The following PTPRN2 variants were observed in gnomAD, a reference collection of about 807,000 sequenced individuals.
The protein encoded by PTPRN2 is protein tyrosine phosphatase receptor type N2.
In PTPRN2, 74 loss-of-function variants were observed where a neutral mutation model predicts 118.8. The observed-to-expected ratio is 0.62, with a 90% CI of 0.52 to 0.76. PTPRN2 has a LOEUF of 0.76. PTPRN2 is among the 30% of genes least tolerant of loss of function. PTPRN2 has a pLI of 0.00. For synonymous variants in PTPRN2, 641 were observed against 608.0 expected (o/e 1.05, Z -0.80); for missense variants, 1,481 against 1,394.4 (o/e 1.06, Z -0.99).
At chr7:158,176,289 G>A (rs747443158) in intron 5 of PTPRN2, among the ~76,000 whole-genome samples, 7 of 152,210 alleles carry the variant, frequency 4.6e-5, no homozygotes, top group East Asian at 3.9e-4. Context: ...TCATCGCCAC[G>A]GGGCTCTTAT....
intron 11 of PTPRN2, among the ~76,000 whole-genome samples, chr7:157,927,604 T>C (rs12674431): frequency 0.52 from 60,333 of 116,236 alleles, 12,243 homozygotes; most frequent in Middle Eastern, 0.54. Flanking sequence ...AGAGACCTCA[T>C]GTCTGCTGGG....
At chr7:158,317,011 A>G in intron 2 of PTPRN2, 79 bp from the exon 3 acceptor site, 1 of 1,079,414 alleles carries the variant, frequency 9.3e-7, no homozygotes, top group Non-Finnish European at 1.3e-6. Flanking sequence ...ACGTCCTTGC[A>G]ATGCGTTCTG....
chr7:158,518,154 T>C (rs1412124115), intron 1 of PTPRN2, among the ~76,000 whole-genome samples: 1 of 152,190 alleles, frequency 6.6e-6, no homozygotes, highest in Non-Finnish European at 1.5e-5. Context: ...TATAAAATAG[T>C]TAGAGCCCAA....
intron 11 of PTPRN2, among the ~76,000 whole-genome samples, chr7:158,077,552 CT>C (rs1157831702): frequency 7.4e-5 from 2 of 27,052 alleles, no homozygotes; most frequent in African/African-American, 1.1e-4. Context: ...CAGGAGCCCC[CT>C]ATGAGCCACA....
At chr7:157,939,141 G>A (rs1275541806) in intron 11 of PTPRN2, among the ~76,000 whole-genome samples, 1 of 152,000 alleles carries the variant, frequency 6.6e-6, no homozygotes, top group Admixed American at 6.6e-5. Flanking sequence ...AAAGCACGCA[G>A]GTCCCCACCT....
At chr7:158,187,153 G>A (rs559202921) in intron 5 of PTPRN2, among the ~76,000 whole-genome samples, 1 of 152,244 alleles carries the variant, frequency 6.6e-6, no homozygotes, top group African/African-American at 2.4e-5. Context: ...GTTTAAACGA[G>A]GAGAAAGCTC....
intron 11 of PTPRN2, among the ~76,000 whole-genome samples, chr7:158,062,836 AC>A (rs1036029322): frequency 6.6e-6 from 1 of 152,144 alleles, no homozygotes; most frequent in African/African-American, 2.4e-5. Context: ...TCTGCAGCCC[AC>A]CATGCCTGAG....
intron 11 of PTPRN2, among the ~76,000 whole-genome samples, chr7:157,950,875 G>A (rs1190356250): frequency 6.6e-6 from 1 of 152,214 alleles, no homozygotes; most frequent in Non-Finnish European, 1.5e-5. Flanking sequence ...GTGTTGGGCA[G>A]ATGAGCTATG....
chr7:157,651,990 C>A (rs1271435572), intron 14 of PTPRN2, among the ~76,000 whole-genome samples: 5 of 152,244 alleles, frequency 3.3e-5, no homozygotes, highest in African/African-American at 1.2e-4. Flanking sequence ...CGGACTGCAC[C>A]TTCCCTGCGC....
chr7:158,430,475 CG>C (rs1563284215), intron 2 of PTPRN2, among the ~76,000 whole-genome samples: 3 of 152,246 alleles, frequency 2.0e-5, no homozygotes, highest in Non-Finnish European at 4.4e-5. Flanking sequence ...TTCCCAGAAG[CG>C]CTCTGTGGTT....
At chr7:157,567,306 C>T (rs1799537193) in intron 21 of PTPRN2, among the ~76,000 whole-genome samples, 1 of 152,158 alleles carries the variant, frequency 6.6e-6, no homozygotes, top group Admixed American at 6.5e-5. Flanking sequence ...TTTGCACATT[C>T]CCACCACTAA....
At chr7:158,537,193 C>T (rs576228771) in intron 1 of PTPRN2, among the ~76,000 whole-genome samples, 15 of 151,234 alleles carry the variant, frequency 9.9e-5, no homozygotes, top group Non-Finnish European at 2.1e-4. Flanking sequence ...GAAAAATAAA[C>T]ATCCATTGTT....
intron 11 of PTPRN2, among the ~76,000 whole-genome samples, chr7:157,983,412 C>T (rs1160767120): frequency 1.3e-5 from 2 of 152,014 alleles, no homozygotes; most frequent in African/African-American, 2.4e-5. Flanking sequence ...CCCCCCTAAA[C>T]CCCGAGTCAT....
intron 2 of PTPRN2, among the ~76,000 whole-genome samples, chr7:158,415,665 C>CACCCT (rs1814597902): frequency 6.6e-6 from 1 of 152,202 alleles, no homozygotes; most frequent in Admixed American, 6.5e-5. Context: ...CCCCCCACCC[C>CACCCT]ACCCTACAAT....
intron 22 of PTPRN2, among the ~76,000 whole-genome samples, chr7:157,541,745 G>C (rs546416653): frequency 1.3e-5 from 2 of 152,350 alleles, no homozygotes; most frequent in Non-Finnish European, 2.9e-5. Context: ...GAACAGGGCA[G>C]CCCCAAGCCA....
chr7:158,145,195 A>G (rs376788731), intron 6 of PTPRN2, among the ~76,000 whole-genome samples: 2,852 of 105,180 alleles, frequency 0.027, no homozygotes, highest in African/African-American at 0.046. Flanking sequence ...AGAATACCAC[A>G]GCTCGGCAAG....
chr7:157,540,917 G>A (rs983776739), intron 22 of PTPRN2, 132 bp from the exon 23 acceptor site: 19 of 692,960 alleles, frequency 2.7e-5, no homozygotes, highest in Non-Finnish European at 3.2e-5. Context: ...GGGCCATTTC[G>A]CAGAAAGAAA....
rs556613704 is a variant in PTPRN2, at chr7:157,755,808, A to T, written c.1789-72871T>A. ...ATGCTCACTGCCTGGAGACGGATCC[A>T]TTCTTACTCCAAACCTCAGCATCAT... On this transcript the variant is annotated intron_variant, in intron 12 of 22. Coordinates refer to ENST00000389418, the MANE Select transcript of PTPRN2 (RefSeq NM_002847.5). Among the ~76,000 whole-genome samples the T allele has an allele frequency of 6.0e-4, 92 of 152,308 alleles. 1 individual carries two copies. The highest frequency in any genetic ancestry group is 2.1e-3 in the African/African-American group (87 of 41,558).
chr7:158,299,924 G>C (rs1437576968), intron 3 of PTPRN2, among the ~76,000 whole-genome samples: 2 of 152,188 alleles, frequency 1.3e-5, no homozygotes, highest in African/African-American at 2.4e-5. Context: ...AGTATTAGCA[G>C]CTCAGGGGCA....
Sources: gnomAD v4.1 joint callset for allele counts (sites outside exome capture counted in the v4.1 genomes callset) on GRCh38, gnomAD v4.1.1 for gene constraint, MANE v1.5 for transcripts, NCBI Gene and HGNC (gene_info 2026-07-23, HGNC 2026-07-21) for gene names.